PRKD1: variants seen among roughly 807,000 people sequenced by gnomAD.
The protein encoded by PRKD1 is serine/threonine-protein kinase D1.
Under a neutral mutation model 95.9 loss-of-function variants are expected in PRKD1, and 63 were observed. That is an observed-to-expected ratio of 0.66 (90% confidence interval 0.54 to 0.81). PRKD1 has a LOEUF of 0.81. Ranked by LOEUF, PRKD1 falls within the 30% of genes least tolerant of loss-of-function variation. The probability of loss-of-function intolerance (pLI) is 0.00; values close to 1 mark genes in which losing one functional copy is unlikely to be tolerated. For missense variants in PRKD1, 1,048 were observed against 1,165.3 expected (o/e 0.90, Z 1.47); for synonymous variants, 425 against 423.1 (o/e 1.00, Z -0.05).
chr14:29,909,843 T>C (rs900349679), intron 1 of PRKD1, among the ~76,000 whole-genome samples: 16 of 152,178 alleles, frequency 1.1e-4, no homozygotes, highest in Admixed American at 3.3e-4. Context: ...TCAAGGTTTG[T>C]AAACACACCA....
chr14:29,764,168 C>T (rs1888156282), intron 1 of PRKD1, among the ~76,000 whole-genome samples: 1 of 151,870 alleles, frequency 6.6e-6, no homozygotes, highest in South Asian at 2.1e-4. Flanking sequence ...CCAAGCATTA[C>T]TTTGGGGAGA....
At chr14:29,802,773 C>A (rs1233155070) in intron 1 of PRKD1, among the ~76,000 whole-genome samples, 1 of 152,196 alleles carries the variant, frequency 6.6e-6, no homozygotes, top group Non-Finnish European at 1.5e-5. Flanking sequence ...CCTTATGTTT[C>A]AATTCTGAGC....
intron 1 of PRKD1, among the ~76,000 whole-genome samples, chr14:29,861,802 G>A (rs1174976293): frequency 6.6e-6 from 1 of 152,092 alleles, no homozygotes; most frequent in East Asian, 1.9e-4. Context: ...ACAGGTGTGT[G>A]CCACCACACC....
intron 1 of PRKD1, among the ~76,000 whole-genome samples, chr14:29,785,425 G>T (rs1188149039): frequency 6.6e-6 from 1 of 152,030 alleles, no homozygotes; most frequent in Non-Finnish European, 1.5e-5. Context: ...TTTGTATCCT[G>T]CAACTTTAAT....
At chr14:29,891,664 T>A (rs1006121054) in intron 1 of PRKD1, among the ~76,000 whole-genome samples, 1 of 151,952 alleles carries the variant, frequency 6.6e-6, no homozygotes, top group Non-Finnish European at 1.5e-5. Flanking sequence ...TGGGGTTTTT[T>A]TTTTTTCGTT....
At chr14:29,644,223 T>A (rs1161796131) in intron 4 of PRKD1, among the ~76,000 whole-genome samples, 1 of 152,240 alleles carries the variant, frequency 6.6e-6, no homozygotes, top group African/African-American at 2.4e-5. Flanking sequence ...GATTTCAGTT[T>A]TAAGATGGGA....
intron 16 of PRKD1, among the ~76,000 whole-genome samples, chr14:29,595,273 C>T (rs1388279721): frequency 6.6e-6 from 1 of 152,166 alleles, no homozygotes; most frequent in Admixed American, 6.5e-5. Flanking sequence ...ATGTCTCTTT[C>T]TTTCCATTCT....
At chr14:29,923,227 CAAA>C (rs33966435) in intron 1 of PRKD1, among the ~76,000 whole-genome samples, 6,985 of 88,766 alleles carry the variant, frequency 0.079, 360 homozygotes, top group African/African-American at 0.17. Flanking sequence ...GAGATTCTGT[CAAA>C]AAAAAAAAAA....
intron 16 of PRKD1, among the ~76,000 whole-genome samples, chr14:29,594,756 G>T (rs1341383929): frequency 6.6e-6 from 1 of 152,106 alleles, no homozygotes; most frequent in Non-Finnish European, 1.5e-5. Flanking sequence ...TGCCAGATAC[G>T]ATTAATAGTT....
chr14:29,786,792 TTTC>T (rs1889293819), intron 1 of PRKD1, among the ~76,000 whole-genome samples: 2 of 152,108 alleles, frequency 1.3e-5, no homozygotes, highest in Non-Finnish European at 2.9e-5. Context: ...AAAAAAAGCT[TTTC>T]TTTTTGTTGA....
chr14:29,692,482 C>T (rs373182660), intron 2 of PRKD1, among the ~76,000 whole-genome samples: 2 of 152,020 alleles, frequency 1.3e-5, no homozygotes, highest in African/African-American at 4.8e-5. Flanking sequence ...TTCTCTTAGT[C>T]GCTTTTTAGG....
intron 1 of PRKD1, among the ~76,000 whole-genome samples, chr14:29,733,107 TA>T (rs1447840200): frequency 4.3e-5 from 6 of 138,912 alleles, no homozygotes; most frequent in African/African-American, 1.1e-4. Flanking sequence ...TTTATTTATT[TA>T]TTTTTTTTTT....
chr14:29,584,697 G>C (rs767476746), intron 16 of PRKD1, among the ~76,000 whole-genome samples: 1 of 152,106 alleles, frequency 6.6e-6, no homozygotes, highest in Non-Finnish European at 1.5e-5. Context: ...TACCCATATT[G>C]TATGCATATG....
At chr14:29,844,926 TTAAGA>T (rs1892022010) in intron 1 of PRKD1, among the ~76,000 whole-genome samples, 1 of 152,170 alleles carries the variant, frequency 6.6e-6, no homozygotes, top group South Asian at 2.1e-4. Context: ...CCCTTTGCTG[TTAAGA>T]TAATTTTCCA....
At position 29,630,993 on chromosome 14, in the gene PRKD1, A is replaced by G. The variant is rs375675746; in HGVS notation, c.1421T>C (p.Leu474Pro). The G allele has an allele frequency of 6.2e-7, 1 of 1,610,584 alleles. No homozygotes were observed. Reference sequence around the variant, plus strand: ...TAAAGCTGAAGTTTTTACTGGTTCCAGAGACAAAATTTCAGATAAAGGAAT... The same window carrying G: ...TAAAGCTGAAGTTTTTACTGGTTCCGGAGACAAAATTTCAGATAAAGGAAT... The part of the protein sequence containing the change: ...KEIPLSEILS[L>P]EPVKTSALIP... The change falls in exon 10 of 18, where the codon CTG becomes CCG. Residue 474 changes from leucine (L) to proline (P), a missense_variant. Leu to Pro is a moderately conservative substitution (Grantham distance 98). Around this residue, in one of 3 missense-constraint regions of PRKD1, gnomAD observed 739 missense variants for 861.9 expected, o/e 0.86. Coordinates refer to ENST00000331968, the MANE Select transcript of PRKD1 (RefSeq NM_002742.3).
rs1002054524 is a variant in PRKD1, at chr14:29,578,472, A to C, written c.2435-112T>G. The C allele has an allele frequency of 8.4e-6, 5 of 597,764 alleles. No homozygotes were observed. In the African/African-American group the frequency reaches 1.3e-4, roughly 16 times the overall value. The allele number at this position is 597,764 out of a possible 1,614,324, so 37.0% of individuals were successfully genotyped here. A position where few individuals can be genotyped will look rare whatever the true frequency, so the allele number is the denominator to read the frequency against. On this transcript the variant is annotated intron_variant, in intron 16 of 17. Coordinates refer to ENST00000331968, the MANE Select transcript of PRKD1 (RefSeq NM_002742.3). The stretch of plus-strand genomic sequence containing the variant: ...CACAGTTAAATGCAGCATAGTGACA[A>C]GGCACTAGAACCAAAAAAAAAAATC...
chr14:29,885,643 A>C (rs1237760334), intron 1 of PRKD1, among the ~76,000 whole-genome samples: 1 of 152,040 alleles, frequency 6.6e-6, no homozygotes, highest in African/African-American at 2.4e-5. Context: ...GGAATTTCCC[A>C]TTCTCTAAGG....
intron 1 of PRKD1, among the ~76,000 whole-genome samples, chr14:29,925,063 T>TA (rs1227476560): frequency 6.6e-6 from 1 of 150,936 alleles, no homozygotes; most frequent in African/African-American, 2.4e-5. Context: ...TTTTATAACC[T>TA]AAAAAAAAAG....
intron 1 of PRKD1, among the ~76,000 whole-genome samples, chr14:29,846,871 TA>T (rs1166940340): frequency 1.3e-5 from 2 of 152,068 alleles, no homozygotes; most frequent in African/African-American, 4.8e-5. Flanking sequence ...GGATATGGGA[TA>T]AATGTGAAAG....
Sources: gnomAD v4.1 joint callset for allele counts (sites outside exome capture counted in the v4.1 genomes callset) on GRCh38, gnomAD v4.1.1 for gene constraint, gnomAD v4.1.1 regional missense constraint, MANE v1.5 for transcripts, NCBI Gene and HGNC (gene_info 2026-07-23, HGNC 2026-07-21) for gene names.